BACH2: variants seen among roughly 807,000 people sequenced by gnomAD.
BACH2 encodes the protein transcription regulator protein BACH2.
Under a neutral mutation model 61.8 loss-of-function variants are expected in BACH2, and 5 were observed. That is an observed-to-expected ratio of 0.08 (90% CI 0.04 to 0.17). The LOEUF (loss-of-function observed/expected upper bound fraction) is 0.17. Ranked by LOEUF, BACH2 falls within the 10% of genes least tolerant of loss-of-function variation. The pLI, the probability that BACH2 is intolerant of heterozygous loss-of-function variation, is 1.00. For synonymous variants in BACH2, 446 were observed against 440.1 expected, an observed-to-expected ratio of 1.01 and a Z score of -0.17; for missense variants, 824 against 1,091.1, an observed-to-expected ratio of 0.76 and a Z score of 3.45.
rs541887319 is a variant in BACH2, at chr6:90,200,106, G to T, written c.-162+6463C>A. Among the ~76,000 whole-genome samples the T allele has an allele frequency of 7.2e-5, 11 of 152,330 alleles. No homozygotes were observed. The South Asian group carries it at 2.3e-3, about 32-fold the overall frequency. On this transcript the variant is annotated intron_variant, in intron 4 of 8. Coordinates refer to ENST00000257749, the MANE Select transcript of BACH2 (RefSeq NM_021813.4). ...GAAGACACAGGCACACATCCCAGAA[G>T]TGATGTCATTGCATGTCACAGTCTC...
At position 90,100,465 on chromosome 6, in the gene BACH2, G is replaced by T. The variant is rs189723628; in HGVS notation, c.-161-11356C>A. 5.3e-5 allele frequency among the ~76,000 whole-genome samples: 8 copies of T among 152,152 alleles called. No homozygotes were observed. In the East Asian group the frequency reaches 1.4e-3, roughly 26 times the overall value. ...AATAAAGCAGATTACTCTTCATGAG[G>T]TGGGCCTCATCCAATCAGTTGAAGG... is the stretch of plus-strand genomic sequence containing the variant. On this transcript the variant is annotated intron_variant, in intron 4 of 8. Transcript: ENST00000257749.
intron 5 of BACH2, among the ~76,000 whole-genome samples, chr6:90,040,567 A>G (rs2127790971): frequency 6.6e-6 from 1 of 152,014 alleles, no homozygotes; most frequent in East Asian, 1.9e-4. Flanking sequence ...TTTGGTTACA[A>G]AATATTCTGT....
chr6:90,064,906 T>A (rs982395457), intron 5 of BACH2, among the ~76,000 whole-genome samples: 5 of 152,178 alleles, frequency 3.3e-5, no homozygotes, highest in African/African-American at 1.2e-4. Context: ...TCCATTTATA[T>A]TTTTAATTCA....
rs558206313 is a variant in BACH2, at chr6:90,099,031, C to T, written c.-161-9922G>A. Reference sequence around the variant, plus strand: ...CACTTTCCTTGTGGTCCTTGTGGAACTTTTGTTTTAAAAATTAAACCTGTT... The same window carrying T: ...CACTTTCCTTGTGGTCCTTGTGGAATTTTTGTTTTAAAAATTAAACCTGTT... On this transcript the variant is annotated intron_variant, in intron 4 of 8. Transcript: ENST00000257749. Among the ~76,000 whole-genome samples the T allele has an allele frequency of 1.6e-4, 24 of 152,250 alleles. No homozygotes were observed. The East Asian group carries it at 2.5e-3, about 16-fold the overall frequency.
intron 1 of BACH2, among the ~76,000 whole-genome samples, chr6:90,282,722 A>G (rs774772037): frequency 1.2e-4 from 19 of 152,114 alleles, no homozygotes; most frequent in Middle Eastern, 6.8e-3. Context: ...AGCAATCATC[A>G]CAGTCTTCCA....
intron 3 of BACH2, among the ~76,000 whole-genome samples, chr6:90,232,682 C>A (rs1028731796): frequency 2.0e-5 from 3 of 152,174 alleles, no homozygotes; most frequent in African/African-American, 7.2e-5. Context: ...CTAGCCAATA[C>A]CTGTGTAGAG....
intron 4 of BACH2, among the ~76,000 whole-genome samples, chr6:90,178,990 G>A (rs969219359): frequency 6.6e-6 from 1 of 152,142 alleles, no homozygotes; most frequent in Non-Finnish European, 1.5e-5. Flanking sequence ...CATTTTTTAT[G>A]ACTCGTTAAA....
rs1073973 is a variant in BACH2 at position 90,110,735 on chromosome 6, T to G, written c.-161-21626A>C. 8.3e-3 allele frequency among the ~76,000 whole-genome samples: 1,268 copies of G among 152,156 alleles called. 17 individuals are homozygous for G. Among genetic ancestry groups the G allele is most frequent in the African/African-American group, 0.027 (1,140 of 41,484 alleles). On this transcript the variant is annotated intron_variant, in intron 4 of 8. Transcript: ENST00000257749. ...AATACCCAAATTGGAGTAACTAGAG[T>G]TTGTCTGTTAGTTGTTCTTTTAAGT...
intron 3 of BACH2, among the ~76,000 whole-genome samples, chr6:90,207,125 T>G (rs1015460978): frequency 6.6e-6 from 1 of 152,142 alleles, no homozygotes; most frequent in African/African-American, 2.4e-5. Flanking sequence ...TTGTTTTTGT[T>G]TTTGTTTTTT....
chr6:89,982,567 A>G (rs1024866577), intron 6 of BACH2, among the ~76,000 whole-genome samples: 1 of 152,170 alleles, frequency 6.6e-6, no homozygotes, highest in African/African-American at 2.4e-5. Context: ...AAAGGCACAT[A>G]TAAGAATTAT....
intron 6 of BACH2, among the ~76,000 whole-genome samples, chr6:89,964,201 T>A: frequency 1.8e-5 from 2 of 108,736 alleles, no homozygotes; most frequent in Non-Finnish European, 1.8e-5. Flanking sequence ...AAACTTAAAG[T>A]ATAATTAAAA....
intron 4 of BACH2, among the ~76,000 whole-genome samples, chr6:90,167,215 G>A (rs1463077654): frequency 6.6e-6 from 1 of 152,166 alleles, no homozygotes; most frequent in Non-Finnish European, 1.5e-5. Context: ...GAAGCTATGT[G>A]GTAGAGCATG....
intron 2 of BACH2, among the ~76,000 whole-genome samples, chr6:90,262,099 A>G (rs1771178778): frequency 6.6e-6 from 1 of 152,222 alleles, no homozygotes; most frequent in South Asian, 2.1e-4. Context: ...GATGAAGGCC[A>G]GCCTCCTTGG....
At chr6:90,215,321 T>C (rs1769496609) in intron 3 of BACH2, among the ~76,000 whole-genome samples, 1 of 152,120 alleles carries the variant, frequency 6.6e-6, no homozygotes, top group East Asian at 1.9e-4. Context: ...CACACAGACT[T>C]AAAGCCCCAA....
chr6:90,122,302 C>T (rs1422864277), intron 4 of BACH2, among the ~76,000 whole-genome samples: 1 of 152,212 alleles, frequency 6.6e-6, no homozygotes, highest in Non-Finnish European at 1.5e-5. Flanking sequence ...TGTGAGAAAT[C>T]TGTAGCGTGA....
Position 90,296,678 on chromosome 6 carries a change from G to A in BACH2, c.-644C>T. 6.5e-6 allele frequency: 1 copy of A among 154,670 alleles called. No homozygotes were observed. Among genetic ancestry groups the A allele is most frequent in the Non-Finnish European group, 1.4e-5 (1 of 69,654 alleles). 9.6% of individuals were successfully genotyped at this position (154,670 alleles called of 1,614,324 possible). A position where few individuals can be genotyped will look rare whatever the true frequency, so the allele number is the denominator to read the frequency against. On this transcript the variant is annotated 5_prime_UTR_variant, in exon 1 of 9. Coordinates refer to ENST00000257749, the MANE Select transcript of BACH2 (RefSeq NM_021813.4). ...GGAGGGGAAGGGGCGAGGGGAGGCCGGGGGGAAAGCGAGAGCGGGGCGGCG... is the reference window on the plus strand; with the variant it reads ...GGAGGGGAAGGGGCGAGGGGAGGCCAGGGGGAAAGCGAGAGCGGGGCGGCG...
chr6:90,274,574 C>T (rs950678689), intron 1 of BACH2, among the ~76,000 whole-genome samples: 1 of 152,168 alleles, frequency 6.6e-6, no homozygotes, highest in Non-Finnish European at 1.5e-5. Flanking sequence ...TCACAGCCGC[C>T]CCCACCTGAC....
intron 4 of BACH2, among the ~76,000 whole-genome samples, chr6:90,148,169 A>AT (rs1784687097): frequency 6.6e-6 from 1 of 152,150 alleles, no homozygotes; most frequent in African/African-American, 2.4e-5. Flanking sequence ...AGCCAGGAAG[A>AT]TTTTCCATTC....
chr6:90,021,336 T>C (rs1026072117), intron 5 of BACH2, among the ~76,000 whole-genome samples: 2 of 146,374 alleles, frequency 1.4e-5, no homozygotes, highest in Non-Finnish European at 3.0e-5. Flanking sequence ...AAAATCACAG[T>C]GGGATCTGAA....
Sources: allele counts gnomAD v4.1 joint callset (sites outside exome capture counted in the v4.1 genomes callset), GRCh38; gene constraint gnomAD v4.1.1; transcripts MANE v1.5; gene names NCBI Gene and HGNC (gene_info 2026-07-23, HGNC 2026-07-21).